The following TES variants were observed in gnomAD, a reference collection of about 807,000 sequenced individuals.
TES encodes the protein testin.
In TES, 41 loss-of-function variants were observed where a neutral mutation model predicts 48.2. The observed-to-expected ratio is 0.85, with a 90% CI of 0.66 to 1.10. TES has a LOEUF of 1.10. Ranked by LOEUF, TES falls within the 50% of genes least tolerant of loss-of-function variation. The pLI is 0.00. For missense variants in TES, 463 were observed against 515.1 expected, an observed-to-expected ratio of 0.90 and a Z score of 0.98; for synonymous variants, 162 against 174.9, an observed-to-expected ratio of 0.93 and a Z score of 0.58.
chr7:116,238,585 C>CATTATTATTATTATTATT (rs375782060), intron 2 of TES, among the ~76,000 whole-genome samples: 2,491 of 129,336 alleles, frequency 0.019, 22 homozygotes, highest in East Asian at 0.039. Flanking sequence ...CAACATCCAT[C>CATTATTATTATTATTATT]ATTATTATTA....
chr7:116,217,415 A>T (rs1337249381), intron 1 of TES, among the ~76,000 whole-genome samples: 3 of 152,164 alleles, frequency 2.0e-5, no homozygotes, highest in African/African-American at 7.2e-5. Flanking sequence ...ATGCCTTACA[A>T]AAGAGTCATT....
chr7:116,233,429 TCTCCA>T (rs1799726185), intron 1 of TES, among the ~76,000 whole-genome samples: 3 of 152,140 alleles, frequency 2.0e-5, no homozygotes, highest in Non-Finnish European at 4.4e-5. Flanking sequence ...ATAATACAGC[TCTCCA>T]CTCCTTGCCT....
rs955803397 is a variant in TES, at chr7:116,250,466, C to T, written c.672C>T (p.Asp224=). 19 of 1,573,782 alleles carry T rather than the reference C, an allele frequency of 1.2e-5. No homozygotes were observed. Among genetic ancestry groups the T allele is most frequent in the Non-Finnish European group, 1.5e-5 (18 of 1,162,156 alleles). Reference sequence around the variant, plus strand: ...CAGCAGCAGTGGGGGCCATGGAGGACAAATCTGCTGAGCACAAAAGAACTC... The same window carrying T: ...CAGCAGCAGTGGGGGCCATGGAGGATAAATCTGCTGAGCACAAAAGAACTC... ...STPAAVGAME[D]KSAEHKRTQY... The change falls in exon 4 of 7, where the codon GAC becomes GAT. Residue 224 remains aspartate (D), a synonymous_variant. Transcript: ENST00000358204.
At chr7:116,246,946 C>CTTTTTTTTTTTTT (rs148032626) in intron 2 of TES, among the ~76,000 whole-genome samples, 2 of 131,046 alleles carry the variant, frequency 1.5e-5, no homozygotes, top group Non-Finnish European at 3.2e-5. Flanking sequence ...AGACTAGGCC[C>CTTTTTTTTTTTTT]CTTTTTTTTT....
intron 1 of TES, among the ~76,000 whole-genome samples, chr7:116,233,095 A>C (rs1799722006): frequency 6.6e-6 from 1 of 152,236 alleles, no homozygotes; most frequent in Non-Finnish European, 1.5e-5. Flanking sequence ...GTTACAAAAG[A>C]GGGCCATTGA....
intron 4 of TES, 39 bp downstream of exon 4, chr7:116,250,535 C>T (rs1563014691): frequency 3.6e-6 from 5 of 1,397,494 alleles, no homozygotes; most frequent in Non-Finnish European, 4.7e-6. Flanking sequence ...GATTTGTATA[C>T]TTTACAGAAT....
chr7:116,235,230 C>T (rs1388645926), intron 2 of TES, among the ~76,000 whole-genome samples: 3 of 152,160 alleles, frequency 2.0e-5, no homozygotes, highest in African/African-American at 7.2e-5. Flanking sequence ...GGATTACAGG[C>T]GTGAGCCACC....
chr7:116,250,528 T>A (rs1159037617), intron 4 of TES, 32 bp downstream of exon 4: 2 of 1,416,736 alleles, frequency 1.4e-6, no homozygotes, highest in Admixed American at 2.8e-5. Context: ...TTAGCCTGAT[T>A]TGTATACTTT....
At chr7:116,230,462 CA>C in intron 1 of TES, among the ~76,000 whole-genome samples, 1 of 152,334 alleles carries the variant, frequency 6.6e-6, no homozygotes, top group East Asian at 1.9e-4. Flanking sequence ...GAGCGGCCTA[CA>C]GAGCCAATTT....
chr7:116,244,036 AG>A (rs1474214281), intron 2 of TES: 2 of 152,188 alleles, frequency 1.3e-5, no homozygotes, highest in Non-Finnish European at 2.9e-5. Flanking sequence ...CCCATGATTC[AG>A]TTACCTCCCA....
intron 1 of TES, among the ~76,000 whole-genome samples, chr7:116,224,540 T>G (rs1343700194): frequency 6.6e-6 from 1 of 152,170 alleles, no homozygotes; most frequent in Non-Finnish European, 1.5e-5. Flanking sequence ...TCTTGCTCAT[T>G]CTTTTAATTT....
At chr7:116,245,257 G>A (rs983636799) in intron 2 of TES, among the ~76,000 whole-genome samples, 8 of 152,136 alleles carry the variant, frequency 5.3e-5, no homozygotes, top group Non-Finnish European at 7.4e-5. Flanking sequence ...TTTATCCTCC[G>A]TCACCTCTTG....
Position 116,257,749 on chromosome 7 carries a change from G to A in TES, c.*267G>A. The A allele has an allele frequency of 3.9e-6, 1 of 256,506 alleles. No homozygotes were observed. Among genetic ancestry groups the A allele is most frequent in the Non-Finnish European group, 7.4e-6 (1 of 135,294 alleles). 15.9% of individuals were successfully genotyped at this position (256,506 alleles called of 1,614,324 possible). A position where few individuals can be genotyped will look rare whatever the true frequency, so the allele number is the denominator to read the frequency against. On this transcript the variant is annotated 3_prime_UTR_variant, in exon 7 of 7. Transcript: ENST00000358204. The stretch of plus-strand genomic sequence containing the variant: ...AATGTGAAATCATTTTTGGAAGCTT[G>A]GATCTCATTAAACTTCATGTCTCTA...
chr7:116,231,083 T>G (rs1799694052), intron 1 of TES, among the ~76,000 whole-genome samples: 1 of 152,156 alleles, frequency 6.6e-6, no homozygotes, highest in African/African-American at 2.4e-5. Context: ...GACACGCTAG[T>G]CCTCTGCCCC....
Position 116,257,361 on chromosome 7 carries a change from G to A in TES, c.1145G>A (p.Trp382Ter). 1 of 1,613,948 alleles carries A rather than the reference G, an allele frequency of 6.2e-7. No homozygotes were observed. Among genetic ancestry groups the A allele is most frequent in the Non-Finnish European group, 8.5e-7 (1 of 1,179,948 alleles). ...VQRVTYNNFS[W>*]HASTECFLCS... Reference sequence around the variant, plus strand: ...CGGGTGACCTATAACAATTTCAGCTGGCATGCATCCACAGAGTGCTTTCTG... The same window carrying A: ...CGGGTGACCTATAACAATTTCAGCTAGCATGCATCCACAGAGTGCTTTCTG... The change falls in exon 7 of 7, where the codon TGG (tryptophan) becomes TAG (stop). Residue 382 changes from tryptophan to a stop codon, truncating the protein, a stop_gained. Transcript: ENST00000358204. LOFTEE classifies it high-confidence loss of function.
At chr7:116,240,346 G>A (rs1488748376) in intron 2 of TES, among the ~76,000 whole-genome samples, 1 of 152,006 alleles carries the variant, frequency 6.6e-6, no homozygotes, top group Non-Finnish European at 1.5e-5. Context: ...GGAGAATAAA[G>A]GATAGTTTCT....
intron 1 of TES, among the ~76,000 whole-genome samples, chr7:116,217,126 G>T (rs181137766): frequency 6.6e-6 from 1 of 152,088 alleles, no homozygotes; most frequent in Non-Finnish European, 1.5e-5. Flanking sequence ...AATTATACCC[G>T]TCAGTGAACT....
At chr7:116,254,074 T>C (rs1800058083) in intron 6 of TES, among the ~76,000 whole-genome samples, 1 of 152,184 alleles carries the variant, frequency 6.6e-6, no homozygotes, top group Non-Finnish European at 1.5e-5. Context: ...CAAATCACCA[T>C]GTAACCTGAT....
Position 116,257,388 on chromosome 7 carries a change from G to T in TES, c.1172G>T (p.Cys391Phe), listed in dbSNP as rs765222402. 1.2e-6 allele frequency: 2 copies of T among 1,613,980 alleles called. No individual in the cohort carries two copies. Among genetic ancestry groups the T allele is most frequent in the Non-Finnish European group, 1.7e-6 (2 of 1,179,992 alleles). Reference protein sequence around the residue: ...SWHASTECFLCSCCSKCLIGQ... With the variant: ...SWHASTECFLFSCCSKCLIGQ... ...CATGCATCCACAGAGTGCTTTCTGT[G>T]CTCTTGCTGCAGCAAATGCCTCATT... Residue 391 changes from cysteine to phenylalanine, a missense_variant, in exon 7 of 7, where the codon TGC becomes TTC. Coordinates refer to ENST00000358204, the MANE Select transcript of TES (RefSeq NM_015641.4).
Sources: gnomAD v4.1 joint callset for allele counts (sites outside exome capture counted in the v4.1 genomes callset) on GRCh38, gnomAD v4.1.1 for gene constraint, MANE v1.5 for transcripts, NCBI Gene and HGNC (gene_info 2026-07-23, HGNC 2026-07-21) for gene names.